The following EYS variants were observed in gnomAD, a reference collection of about 807,000 sequenced individuals.
EYS encodes protein eyes shut homolog.
Under a neutral mutation model 282.1 loss-of-function variants are expected in EYS, and 250 were observed. The ratio of observed to expected loss-of-function variants is 0.89; its 90% confidence interval spans 0.80 to 0.98. EYS has a LOEUF of 0.98. Ranked by LOEUF, EYS falls within the 50% of genes least tolerant of loss-of-function variation. The pLI is 0.00. For synonymous variants in EYS, 1,355 were observed against 1,282.9 expected (o/e 1.06, Z -1.20); for missense variants, 4,016 against 3,709.0 (o/e 1.08, Z -2.15).
intron 5 of EYS, chr6:65,489,490 G>T (rs957931399): frequency 6.6e-6 from 1 of 152,190 alleles, no homozygotes; most frequent in African/African-American, 2.4e-5. Context: ...ATGCTAGAGA[G>T]GTTGTGGAAA....
intron 4 of EYS, among the ~76,000 whole-genome samples, chr6:65,492,945 C>T (rs1365793471): frequency 1.3e-5 from 2 of 152,162 alleles, no homozygotes; most frequent in East Asian, 3.9e-4. Flanking sequence ...TTGAGACAGT[C>T]TCCCTTCATC....
At chr6:65,131,752 T>G (rs557575698) in intron 12 of EYS, among the ~76,000 whole-genome samples, 45 of 151,828 alleles carry the variant, frequency 3.0e-4, no homozygotes, top group Middle Eastern at 3.4e-3. Flanking sequence ...AATGGAGTCA[T>G]AAAACAACAT....
chr6:64,471,838 A>G (rs1386070821), intron 26 of EYS, among the ~76,000 whole-genome samples: 2 of 152,202 alleles, frequency 1.3e-5, no homozygotes, highest in African/African-American at 4.8e-5. Context: ...GGAGATGAAG[A>G]GAGTTGGCTA....
At chr6:65,054,111 A>G (rs1773348936) in intron 13 of EYS, among the ~76,000 whole-genome samples, 1 of 152,022 alleles carries the variant, frequency 6.6e-6, no homozygotes. Context: ...ATTTATTCAT[A>G]ACAATAAAAA....
At chr6:65,221,172 C>T (rs1317767182) in intron 12 of EYS, among the ~76,000 whole-genome samples, 2 of 152,150 alleles carry the variant, frequency 1.3e-5, no homozygotes, top group South Asian at 2.1e-4. Context: ...AAAAGAATAA[C>T]CCATTTTCTG....
intron 33 of EYS, among the ~76,000 whole-genome samples, chr6:64,027,091 A>G (rs1769555799): frequency 6.6e-6 from 1 of 152,222 alleles, no homozygotes; most frequent in Admixed American, 6.5e-5. Context: ...AGTAAATGAT[A>G]GAATGACAGC....
At position 65,164,573 on chromosome 6, in the gene EYS, C is replaced by T. The variant is rs62407233; in HGVS notation, c.2024-106846G>A. 7.7e-3 allele frequency among the ~76,000 whole-genome samples: 1,162 copies of T among 151,360 alleles called. 16 individuals are homozygous for T. Among genetic ancestry groups the T allele is most frequent in the Non-Finnish European group, 8.9e-3 (602 of 67,586 alleles). ...TATGTGAATGTAGACAGATCTAGAT[C>T]TATCTATCTTTATTATCTTGAAACA... On this transcript the variant is annotated intron_variant, in intron 12 of 42. Coordinates refer to ENST00000503581, the MANE Select transcript of EYS (RefSeq NM_001142800.2).
At chr6:64,397,198 T>C (rs1193857616) in intron 28 of EYS, among the ~76,000 whole-genome samples, 3 of 152,200 alleles carry the variant, frequency 2.0e-5, no homozygotes, top group Middle Eastern at 6.8e-3. Context: ...TTGGTTATGA[T>C]ATATGGCTTT....
chr6:64,241,579 A>AT (rs1766829032), intron 30 of EYS, among the ~76,000 whole-genome samples: 1 of 150,898 alleles, frequency 6.6e-6, no homozygotes, highest in African/African-American at 2.4e-5. Flanking sequence ...CTCCTTTATC[A>AT]TTTTTTATTG....
rs1373830435 is a variant in EYS, at chr6:64,283,344, GA to G, written c.6191+23625del. Among the ~76,000 whole-genome samples the G allele has an allele frequency of 5.3e-5, 8 of 152,184 alleles. No homozygotes were observed. The South Asian group carries it at 1.7e-3, about 32-fold the overall frequency. On this transcript the variant is annotated intron_variant, in intron 30 of 42. Transcript: ENST00000503581. ...GCCTTTCATGTATCCCTTAACTCTAGAAGTTAGACTATATAATTATTAATTT... is the reference window on the plus strand; with the variant it reads ...GCCTTTCATGTATCCCTTAACTCTAGAGTTAGACTATATAATTATTAATTT...
chr6:64,645,719 CTT>C (rs1208637767), intron 22 of EYS, among the ~76,000 whole-genome samples: 1 of 152,010 alleles, frequency 6.6e-6, no homozygotes, highest in Non-Finnish European at 1.5e-5. Flanking sequence ...AAAAAATAAA[CTT>C]ATTAGAATGC....
intron 31 of EYS, among the ~76,000 whole-genome samples, chr6:64,194,259 G>C (rs1029426084): frequency 6.6e-6 from 1 of 150,726 alleles, no homozygotes; most frequent in African/African-American, 2.4e-5. Flanking sequence ...TATTCAAGAA[G>C]TCTTGTCTAT....
At chr6:64,558,243 C>T (rs1765291430) in intron 26 of EYS, among the ~76,000 whole-genome samples, 1 of 152,054 alleles carries the variant, frequency 6.6e-6, no homozygotes, top group Non-Finnish European at 1.5e-5. Context: ...GAGCATTCTG[C>T]TTTACAAAAC....
At chr6:65,026,132 G>A (rs1315904129) in intron 13 of EYS, among the ~76,000 whole-genome samples, 6 of 152,120 alleles carry the variant, frequency 3.9e-5, no homozygotes, top group Admixed American at 2.0e-4. Context: ...TTCTTCAGTC[G>A]CTTATTTTAT....
chr6:64,856,445 C>T (rs564543545), intron 19 of EYS, among the ~76,000 whole-genome samples: 17 of 152,056 alleles, frequency 1.1e-4, no homozygotes, highest in South Asian at 2.1e-4. Context: ...GGACTACAGG[C>T]GCTTGCCACC....
chr6:65,445,657 AC>A (rs1768626220), intron 5 of EYS, among the ~76,000 whole-genome samples: 1 of 151,764 alleles, frequency 6.6e-6, no homozygotes, highest in African/African-American at 2.4e-5. Flanking sequence ...GTACTAAGAC[AC>A]AGTCTCAACA....
intron 2 of EYS, among the ~76,000 whole-genome samples, chr6:65,502,149 G>T (rs899198678): frequency 6.6e-6 from 1 of 151,568 alleles, no homozygotes; most frequent in African/African-American, 2.4e-5. Context: ...AAAGTCAAAG[G>T]CTATATGCGA....
chr6:65,139,851 T>C (rs1003094007), intron 12 of EYS, among the ~76,000 whole-genome samples: 2 of 152,000 alleles, frequency 1.3e-5, no homozygotes, highest in Non-Finnish European at 2.9e-5. Flanking sequence ...AAGATGCCAT[T>C]TGGGGAATCT....
At chr6:65,371,436 C>A (rs146242252) in intron 8 of EYS, among the ~76,000 whole-genome samples, 3 of 150,180 alleles carry the variant, frequency 2.0e-5, no homozygotes, top group African/African-American at 7.3e-5. Flanking sequence ...AAGGACAAAC[C>A]GAGGATGTAA....
Sources: allele counts gnomAD v4.1 joint callset (sites outside exome capture counted in the v4.1 genomes callset), GRCh38; gene constraint gnomAD v4.1.1; transcripts MANE v1.5; gene names NCBI Gene and HGNC (gene_info 2026-07-23, HGNC 2026-07-21).